Variants in ATXN7L3B observed in about 807,000 individuals in gnomAD.
ATXN7L3B encodes the protein ataxin-7-like protein 3B.
In ATXN7L3B, 4 loss-of-function variants were observed where a neutral mutation model predicts 6.3. The observed-to-expected ratio is 0.63, with a 90% confidence interval of 0.31 to 1.45. The LOEUF is 1.45. Among genes scored for constraint, ATXN7L3B ranks in the 40% most tolerant of loss-of-function variants. The pLI, the probability that ATXN7L3B is intolerant of heterozygous loss-of-function variation, is 0.07. For synonymous variants in ATXN7L3B, 63 were observed against 48.0 expected (o/e 1.31, Z -1.29); for missense variants, 120 against 118.5 (o/e 1.01, Z -0.06).
Position 74,539,965 on chromosome 12 carries a change from G to T in ATXN7L3B, c.*1559G>T, listed in dbSNP as rs905833856. The T allele has an allele frequency of 1.2e-5, 2 of 167,272 alleles. No homozygotes were observed. Among genetic ancestry groups the T allele is most frequent in the African/African-American group, 4.8e-5 (2 of 41,372 alleles). 10.4% of individuals were successfully genotyped at this position (167,272 alleles called of 1,614,324 possible). On this transcript the variant is annotated 3_prime_UTR_variant, in exon 1 of 1. Transcript: ENST00000519948. ...TGTCCCCTGCTCCACTGCCTATCTG[G>T]TGCCCCAGGTGCTGCTTGCCACTCC...
Position 74,537,853 on chromosome 12 carries a change from CTGAGACGGTTTGGCGG to C in ATXN7L3B, c.-255_-240del, listed in dbSNP as rs1006968962. ...GAGGCCCAGGAGGCTGGGTGAGGCGCTGAGACGGTTTGGCGGTGAGTCCTGGGCCAGGCGCAGCTGA... is the reference window on the plus strand; with the variant it reads ...GAGGCCCAGGAGGCTGGGTGAGGCGCTGAGTCCTGGGCCAGGCGCAGCTGA... On this transcript the variant is annotated 5_prime_UTR_variant, in exon 1 of 1. Transcript: ENST00000519948. The C allele has an allele frequency of 2.1e-6, 1 of 469,744 alleles. No individual in the cohort carries two copies. The highest frequency in any genetic ancestry group is 2.0e-5 in the African/African-American group (1 of 51,218). The allele number at this position is 469,744 out of a possible 1,614,324, so 29.1% of individuals were successfully genotyped here.
Position 74,538,360 on chromosome 12 carries a change from A to G in ATXN7L3B, c.248A>G (p.Asn83Ser), listed in dbSNP as rs902999768. The G allele has an allele frequency of 9.7e-6, 15 of 1,551,900 alleles. No individual in the cohort carries two copies. Among genetic ancestry groups the G allele is most frequent in the Non-Finnish European group, 1.3e-5 (15 of 1,147,038 alleles). Residue 83 changes from asparagine to serine, a missense_variant, in exon 1 of 1, where the codon AAT becomes AGT. Physicochemically the swap from Asn to Ser is conservative, Grantham distance 46. Transcript: ENST00000519948. ...PLCSLPGEPG[N>S]GPDQQLQRSP... ...TGCTCCCTTCCCGGAGAACCTGGGA[A>G]TGGGCCTGATCAGCAGCTGCAGCGC...
In ATXN7L3B at chr12:74,537,877, TG is replaced by T. The variant is rs1868758994; in HGVS notation, c.-233del. 4 of 543,194 alleles carry T rather than the reference TG, an allele frequency of 7.4e-6. No homozygotes were observed. The East Asian group carries it at 1.3e-4, about 17-fold the overall frequency. The allele number at this position is 543,194 out of a possible 1,614,324, so 33.6% of individuals were successfully genotyped here. A position where few individuals can be genotyped will look rare whatever the true frequency, so the allele number is the denominator to read the frequency against. On this transcript the variant is annotated 5_prime_UTR_variant, in exon 1 of 1. Transcript: ENST00000519948. ...GCTGAGACGGTTTGGCGGTGAGTCC[TG>T]GGCCAGGCGCAGCTGAAAGGCCCGC...
At position 74,538,670 on chromosome 12, in the gene ATXN7L3B, C is replaced by A. The variant is rs1295095231; in HGVS notation, c.*264C>A. The A allele has an allele frequency of 4.2e-6, 2 of 478,896 alleles. No homozygotes were observed. Among genetic ancestry groups the A allele is most frequent in the South Asian group, 4.7e-5 (2 of 42,960 alleles). 29.7% of individuals were successfully genotyped at this position (478,896 alleles called of 1,614,324 possible). On this transcript the variant is annotated 3_prime_UTR_variant, in exon 1 of 1. Transcript: ENST00000519948. The stretch of plus-strand genomic sequence containing the variant: ...CAGTGCCTGTTGATCTCTAAACACA[C>A]CAGGATGTGCGCAAGATCCTGTAGT...
Position 74,537,848 on chromosome 12 carries a change from A to G in ATXN7L3B, c.-265A>G. 4.4e-6 allele frequency: 2 copies of G among 453,340 alleles called. No homozygotes were observed. Among genetic ancestry groups the G allele is most frequent in the Non-Finnish European group, 8.0e-6 (2 of 250,830 alleles). The allele number at this position is 453,340 out of a possible 1,614,324, so 28.1% of individuals were successfully genotyped here. A position where few individuals can be genotyped will look rare whatever the true frequency, so the allele number is the denominator to read the frequency against. The stretch of plus-strand genomic sequence containing the variant: ...CGGAAGAGGCCCAGGAGGCTGGGTG[A>G]GGCGCTGAGACGGTTTGGCGGTGAG... On this transcript the variant is annotated 5_prime_UTR_variant, in exon 1 of 1. Coordinates refer to ENST00000519948, the MANE Select transcript of ATXN7L3B (RefSeq NM_001136262.2).
chr12:74,538,612 G>T lies in ATXN7L3B; in HGVS notation c.*206G>T. On this transcript the variant is annotated 3_prime_UTR_variant, in exon 1 of 1. Coordinates refer to ENST00000519948, the MANE Select transcript of ATXN7L3B (RefSeq NM_001136262.2). ...TACCTGGAGCAAGCTCTGAAGCCCT[G>T]GGCAGGAGGAGCTGCACAGCCTGCG... is the stretch of plus-strand genomic sequence containing the variant. The T allele has an allele frequency of 1.7e-6, 1 of 598,306 alleles. No homozygotes were observed. The allele number at this position is 598,306 out of a possible 1,614,324, so 37.1% of individuals were successfully genotyped here. A position where few individuals can be genotyped will look rare whatever the true frequency, so the allele number is the denominator to read the frequency against.
At position 74,538,636 on chromosome 12, in the gene ATXN7L3B, C is replaced by G. The variant is rs1013044088; in HGVS notation, c.*230C>G. 3.6e-6 allele frequency: 2 copies of G among 556,806 alleles called. No individual in the cohort carries two copies. The highest frequency in any genetic ancestry group is 3.2e-5 in the Admixed American group (1 of 31,130). 34.5% of individuals were successfully genotyped at this position (556,806 alleles called of 1,614,324 possible). A position where few individuals can be genotyped will look rare whatever the true frequency, so the allele number is the denominator to read the frequency against. On this transcript the variant is annotated 3_prime_UTR_variant, in exon 1 of 1. Transcript: ENST00000519948. The stretch of plus-strand genomic sequence containing the variant: ...TGGGCAGGAGGAGCTGCACAGCCTG[C>G]GGGCCATGCAGTGCCTGTTGATCTC...
Position 74,545,382 on chromosome 12 carries a change from A to G in ATXN7L3B, c.*6976A>G, listed in dbSNP as rs753636998. On this transcript the variant is annotated 3_prime_UTR_variant, in exon 1 of 1. Coordinates refer to ENST00000519948, the MANE Select transcript of ATXN7L3B (RefSeq NM_001136262.2). ...TTAACAATAGGCAAATCAATGCTGT[A>G]TGTTGTTTAAATAATTGTGAATATG... 1.3e-5 allele frequency: 2 copies of G among 152,140 alleles called. No individual in the cohort carries two copies. The highest frequency in any genetic ancestry group is 2.9e-5 in the Non-Finnish European group (2 of 67,944). 9.4% of individuals were successfully genotyped at this position (152,140 alleles called of 1,614,324 possible).
rs188138553 is a variant in ATXN7L3B, at chr12:74,543,109, T to C, written c.*4703T>C. On this transcript the variant is annotated 3_prime_UTR_variant, in exon 1 of 1. Coordinates refer to ENST00000519948, the MANE Select transcript of ATXN7L3B (RefSeq NM_001136262.2). ...TTAAACTCTTGGCGGTGTTTTTGTT[T>C]GTATTTGTTTTCCCATTTTTGAAAA... 3 of 152,274 alleles carry C rather than the reference T, an allele frequency of 2.0e-5. No individual in the cohort carries two copies. The highest frequency in any genetic ancestry group is 6.5e-5 in the Admixed American group (1 of 15,294). The allele number at this position is 152,274 out of a possible 1,614,324, so 9.4% of individuals were successfully genotyped here.
chr12:74,543,710 A>G lies in ATXN7L3B; in HGVS notation c.*5304A>G, dbSNP rs908815194. On this transcript the variant is annotated 3_prime_UTR_variant, in exon 1 of 1. Coordinates refer to ENST00000519948, the MANE Select transcript of ATXN7L3B (RefSeq NM_001136262.2). ...GGCAAGATTTCATCTCAAAATCATC[A>G]CATTACCATTAGAGAAAATCCATGT... is the stretch of plus-strand genomic sequence containing the variant. 6.6e-6 allele frequency: 1 copy of G among 152,076 alleles called. No homozygotes were observed. The highest frequency in any genetic ancestry group is 2.4e-5 in the African/African-American group (1 of 41,464). The allele number at this position is 152,076 out of a possible 1,614,324, so 9.4% of individuals were successfully genotyped here.
Position 74,538,079 on chromosome 12 carries a change from C to T in ATXN7L3B, c.-34C>T. ...AGACGTGTTGCTGCCGTGAGTAAAA[C>T]GAGCGCCCTCTCCGCACTCGTTTAC... On this transcript the variant is annotated 5_prime_UTR_variant, in exon 1 of 1. In the 5' UTR this introduces an upstream ATG that the reference lacks. Coordinates refer to ENST00000519948, the MANE Select transcript of ATXN7L3B (RefSeq NM_001136262.2). The T allele has an allele frequency of 6.5e-7, 1 of 1,540,950 alleles. No homozygotes were observed. The highest frequency in any genetic ancestry group is 8.8e-7 in the Non-Finnish European group (1 of 1,139,916).
rs1313063307 is a variant in ATXN7L3B, at chr12:74,545,037, A to AT, written c.*6638dup. 1 of 152,038 alleles carries AT rather than the reference A, an allele frequency of 6.6e-6. No homozygotes were observed. Among genetic ancestry groups the AT allele is most frequent in the African/African-American group, 2.4e-5 (1 of 41,442 alleles). 9.4% of individuals were successfully genotyped at this position (152,038 alleles called of 1,614,324 possible). On this transcript the variant is annotated 3_prime_UTR_variant, in exon 1 of 1. Coordinates refer to ENST00000519948, the MANE Select transcript of ATXN7L3B (RefSeq NM_001136262.2). Reference sequence around the variant, plus strand: ...AATTTACCCTACTCAGTATGATTAAATTTTTTTAAATGGTGATGACATCAA... The same window carrying AT: ...AATTTACCCTACTCAGTATGATTAAATTTTTTTTAAATGGTGATGACATCAA...
rs888255709 is a variant in ATXN7L3B at position 74,540,355 on chromosome 12, G to A, written c.*1949G>A. On this transcript the variant is annotated 3_prime_UTR_variant, in exon 1 of 1. Transcript: ENST00000519948. ...CAGTAAAGGCTGATTGACACACAGG[G>A]GGATGGAGTTGGTCCTTGTCCATTC... 4 of 167,064 alleles carry A rather than the reference G, an allele frequency of 2.4e-5. No individual in the cohort carries two copies. The highest frequency in any genetic ancestry group is 9.6e-5 in the African/African-American group (4 of 41,452). The allele number at this position is 167,064 out of a possible 1,614,324, so 10.3% of individuals were successfully genotyped here.
At position 74,540,558 on chromosome 12, in the gene ATXN7L3B, A is replaced by G. The variant is rs1868863743; in HGVS notation, c.*2152A>G. The G allele has an allele frequency of 6.0e-6, 1 of 166,420 alleles. No individual in the cohort carries two copies. The highest frequency in any genetic ancestry group is 2.4e-5 in the African/African-American group (1 of 40,946). The allele number at this position is 166,420 out of a possible 1,614,324, so 10.3% of individuals were successfully genotyped here. On this transcript the variant is annotated 3_prime_UTR_variant, in exon 1 of 1. Coordinates refer to ENST00000519948, the MANE Select transcript of ATXN7L3B (RefSeq NM_001136262.2). Reference sequence around the variant, plus strand: ...CAGGCTTGGGGCCTAGTTACAGATTAGTCTTAAAGAATTGCATTAACTTAA... The same window carrying G: ...CAGGCTTGGGGCCTAGTTACAGATTGGTCTTAAAGAATTGCATTAACTTAA...
At position 74,540,763 on chromosome 12, in the gene ATXN7L3B, C is replaced by G. The variant is rs1868871421; in HGVS notation, c.*2357C>G. 1.2e-5 allele frequency: 2 copies of G among 167,104 alleles called. No individual in the cohort carries two copies. Among genetic ancestry groups the G allele is most frequent in the Non-Finnish European group, 2.9e-5 (2 of 68,128 alleles). The allele number at this position is 167,104 out of a possible 1,614,324, so 10.4% of individuals were successfully genotyped here. A position where few individuals can be genotyped will look rare whatever the true frequency, so the allele number is the denominator to read the frequency against. ...AAAGGCCACAGTCCAATCCCTCTGCCTTCAGATAGGGAACTCAAATCCTGA... is the reference window on the plus strand; with the variant it reads ...AAAGGCCACAGTCCAATCCCTCTGCGTTCAGATAGGGAACTCAAATCCTGA... On this transcript the variant is annotated 3_prime_UTR_variant, in exon 1 of 1. Transcript: ENST00000519948.
Position 74,538,189 on chromosome 12 carries a change from T to C in ATXN7L3B, c.77T>C (p.Ile26Thr), listed in dbSNP as rs1163255681. 1 of 1,600,796 alleles carries C rather than the reference T, an allele frequency of 6.2e-7. No homozygotes were observed. The highest frequency in any genetic ancestry group is 1.7e-5 in the Admixed American group (1 of 58,244). The change falls in exon 1 of 1, where the codon ATA (isoleucine) becomes ACA (threonine). Residue 26 changes from isoleucine (I) to threonine (T), a missense_variant. Coordinates refer to ENST00000519948, the MANE Select transcript of ATXN7L3B (RefSeq NM_001136262.2). ...GCTCAGGAGATTTACGTAGACCTGATAGAGGATTCTTGTTTGGGATTCTGC... is the reference window on the plus strand; with the variant it reads ...GCTCAGGAGATTTACGTAGACCTGACAGAGGATTCTTGTTTGGGATTCTGC... ...AIAQEIYVDL[I>T]EDSCLGFCFE... is the part of the protein sequence containing the mutation.
At position 74,544,594 on chromosome 12, in the gene ATXN7L3B, A is replaced by G; in HGVS notation, c.*6188A>G. The G allele has an allele frequency of 6.6e-6, 1 of 152,030 alleles. No homozygotes were observed. Among genetic ancestry groups the G allele is most frequent in the East Asian group, 1.9e-4 (1 of 5,206 alleles). 9.4% of individuals were successfully genotyped at this position (152,030 alleles called of 1,614,324 possible). On this transcript the variant is annotated 3_prime_UTR_variant, in exon 1 of 1. Coordinates refer to ENST00000519948, the MANE Select transcript of ATXN7L3B (RefSeq NM_001136262.2). ...CAGTATTGTGGAACAGATTATCCAT[A>G]AATAATAAAACTGTGCTCAGACACA...
Position 74,544,930 on chromosome 12 carries a change from C to T in ATXN7L3B, c.*6524C>T, listed in dbSNP as rs1868986289. 6.6e-6 allele frequency: 1 copy of T among 151,986 alleles called. No homozygotes were observed. The highest frequency in any genetic ancestry group is 1.5e-5 in the Non-Finnish European group (1 of 67,874). The allele number at this position is 151,986 out of a possible 1,614,324, so 9.4% of individuals were successfully genotyped here. A position where few individuals can be genotyped will look rare whatever the true frequency, so the allele number is the denominator to read the frequency against. On this transcript the variant is annotated 3_prime_UTR_variant, in exon 1 of 1. Transcript: ENST00000519948. ...GTATAAAGTAAAAGAACAGCTCATT[C>T]TTACAAAAAGAAATATGAATGGCCA...
Position 74,540,406 on chromosome 12 carries a change from A to G in ATXN7L3B, c.*2000A>G, listed in dbSNP as rs528610945. On this transcript the variant is annotated 3_prime_UTR_variant, in exon 1 of 1. Coordinates refer to ENST00000519948, the MANE Select transcript of ATXN7L3B (RefSeq NM_001136262.2). ...TCTCACCCTTGCTGTGCATGTATCA[A>G]TCCTTATCCCAGAAGGTACTATTTA... 9.6e-5 allele frequency: 16 copies of G among 167,082 alleles called. No homozygotes were observed. Among genetic ancestry groups the G allele is most frequent in the African/African-American group, 2.9e-4 (12 of 41,422 alleles). The allele number at this position is 167,082 out of a possible 1,614,324, so 10.3% of individuals were successfully genotyped here. A position where few individuals can be genotyped will look rare whatever the true frequency, so the allele number is the denominator to read the frequency against.
Sources: allele counts gnomAD v4.1 joint callset, GRCh38; gene constraint gnomAD v4.1.1; transcripts MANE v1.5; gene names NCBI Gene and HGNC (gene_info 2026-07-23, HGNC 2026-07-21).